The following GOLGA4 variants were observed in gnomAD, a reference collection of about 807,000 sequenced individuals.
GOLGA4 encodes the protein golgin A4.
Under a neutral mutation model 265.9 loss-of-function variants are expected in GOLGA4, and 169 were observed. The observed-to-expected ratio is 0.64, with a 90% CI of 0.56 to 0.72. GOLGA4 has a LOEUF of 0.72. Among genes scored for constraint, GOLGA4 ranks in the 30% least tolerant of loss-of-function variants. GOLGA4 has a pLI of 0.00. For synonymous variants in GOLGA4, 923 were observed against 855.8 expected (o/e 1.08, Z -1.37); for missense variants, 2,482 against 2,483.4 (o/e 1.00, Z 0.01).
At chr3:37,335,211 G>T (rs1395272916) in intron 17 of GOLGA4, 45 bp downstream of exon 17, 3 of 995,728 alleles carry the variant, frequency 3.0e-6, no homozygotes, top group East Asian at 5.0e-5. Flanking sequence ...TGAAAACATT[G>T]TCATTTCTGT....
intron 2 of GOLGA4, among the ~76,000 whole-genome samples, chr3:37,274,851 A>T (rs968259740): frequency 1.3e-5 from 2 of 152,136 alleles, no homozygotes; most frequent in Non-Finnish European, 2.9e-5. Context: ...GAGTCTAGAC[A>T]AGTTGATTTA....
chr3:37,296,300 C>G (rs960437656), intron 7 of GOLGA4, 81 bp downstream of exon 7: 2 of 1,349,202 alleles, frequency 1.5e-6, no homozygotes, highest in Non-Finnish European at 2.1e-6. Context: ...AATCCCAACA[C>G]TTTGGGAGGC....
intron 21 of GOLGA4, among the ~76,000 whole-genome samples, chr3:37,353,623 A>G (rs972118313): frequency 6.6e-6 from 1 of 152,166 alleles, no homozygotes; most frequent in Non-Finnish European, 1.5e-5. Flanking sequence ...CTGCAACCTC[A>G]AATTCCTGGA....
chr3:37,297,193 T>A (rs927305937), intron 7 of GOLGA4, among the ~76,000 whole-genome samples: 2 of 152,244 alleles, frequency 1.3e-5, no homozygotes, highest in Non-Finnish European at 2.9e-5. Context: ...AGGCTTGAGG[T>A]ATATACGCAA....
chr3:37,243,406 G>A lies in GOLGA4; in HGVS notation c.-145G>A, dbSNP rs1038198083. The A allele has an allele frequency of 1.4e-6, 1 of 702,968 alleles. No homozygotes were observed. The highest frequency in any genetic ancestry group is 2.8e-5 in the East Asian group (1 of 35,706). 43.5% of individuals were successfully genotyped at this position (702,968 alleles called of 1,614,324 possible). On this transcript the variant is annotated 5_prime_UTR_variant, in exon 1 of 24. Transcript: ENST00000361924. ...ACCCTCAGGACGAGTGTCCGGACTT[G>A]CCCACAGCCTCAAGGAGGAGACGGC...
At chr3:37,302,083 A>T (rs2096894478) in intron 9 of GOLGA4, 102 bp from the exon 10 acceptor site, 1 of 965,970 alleles carries the variant, frequency 1.0e-6, no homozygotes, top group South Asian at 1.4e-5. Context: ...GTCACCATGC[A>T]CCATGCCCGG....
rs759871014 is a variant in GOLGA4, at chr3:37,325,643, T to G, written c.3757T>G (p.Cys1253Gly). The change falls in exon 14 of 24, where the codon TGT becomes GGT. Residue 1253 changes from cysteine to glycine, a missense_variant. Around this residue, in one of 3 missense-constraint regions of GOLGA4, gnomAD observed 1,536 missense variants for 1,483.7 expected, o/e 1.04. Transcript: ENST00000361924. ...TGCCATTCTTTCTAGGATTTCTCAT[T>G]GTCAGCACCGTACAACTAAAGTTAA... ...TNAILSRISH[C>G]QHRTTKVKEA... 6.2e-7 allele frequency: 1 copy of G among 1,613,916 alleles called. No homozygotes were observed. Among genetic ancestry groups the G allele is most frequent in the Non-Finnish European group, 8.5e-7 (1 of 1,179,808 alleles).
Position 37,315,427 on chromosome 3 carries a change from G to A in GOLGA4, c.1242G>A (p.Glu414=), listed in dbSNP as rs561225825. Residue 414 remains glutamate, a synonymous_variant, in exon 11 of 24, where the codon GAG becomes GAA. Transcript: ENST00000361924. ...CTGTTGTTTTCATTATAGCTTTTGA[G>A]GAACTTGAAAAAGCTTTGAGTACAG... ...QKEKSERAAF[E]ELEKALSTAQ... 157 of 1,610,526 alleles carry A rather than the reference G, an allele frequency of 9.7e-5. 2 individuals carry two copies. The South Asian group carries it at 1.6e-3, about 17-fold the overall frequency.
intron 13 of GOLGA4, among the ~76,000 whole-genome samples, chr3:37,322,088 G>T (rs2096956582): frequency 6.6e-6 from 1 of 152,092 alleles, no homozygotes; most frequent in Non-Finnish European, 1.5e-5. Context: ...TCCTGGTTCT[G>T]CCTTTAGCTG....
At chr3:37,359,118 T>C (rs961387655) in intron 22 of GOLGA4, among the ~76,000 whole-genome samples, 1 of 152,196 alleles carries the variant, frequency 6.6e-6, no homozygotes, top group Non-Finnish European at 1.5e-5. Context: ...CAGCTTTTTT[T>C]CCCTCCTCTC....
chr3:37,324,306 A>G lies in GOLGA4; in HGVS notation c.2420A>G (p.Gln807Arg), dbSNP rs777865186. ...SAKLDVFQSY[Q>R]SATHEQTKAY... Reference sequence around the variant, plus strand: ...AAGCTGGACGTTTTTCAGTCTTACCAGAGTGCCACACATGAGCAGACAAAA... The same window carrying G: ...AAGCTGGACGTTTTTCAGTCTTACCGGAGTGCCACACATGAGCAGACAAAA... The change falls in exon 14 of 24, where the codon CAG becomes CGG. Residue 807 changes from glutamine (Q) to arginine (R), a missense_variant. Coordinates refer to ENST00000361924, the MANE Select transcript of GOLGA4 (RefSeq NM_002078.5). The G allele has an allele frequency of 5.0e-6, 8 of 1,614,252 alleles. No individual in the cohort carries two copies. The South Asian group carries it at 8.8e-5, about 18-fold the overall frequency.
At chr3:37,312,279 A>C (rs190543779) in intron 10 of GOLGA4, among the ~76,000 whole-genome samples, 45 of 152,324 alleles carry the variant, frequency 3.0e-4, no homozygotes, top group African/African-American at 1.0e-3. Context: ...GGCAGTAAGC[A>C]CTTTGTTTCA....
chr3:37,271,648 CT>C (rs1412255819), intron 2 of GOLGA4, among the ~76,000 whole-genome samples: 1 of 152,082 alleles, frequency 6.6e-6, no homozygotes, highest in Non-Finnish European at 1.5e-5. Context: ...GCAGCTCCCC[CT>C]GGCTTCCCCA....
chr3:37,299,446 A>T, intron 9 of GOLGA4, 75 bp downstream of exon 9: 1 of 825,448 alleles, frequency 1.2e-6, no homozygotes, highest in Non-Finnish European at 2.0e-6. Flanking sequence ...AGTTGGAAAC[A>T]TTCATGCTTG....
intron 23 of GOLGA4, among the ~76,000 whole-genome samples, chr3:37,364,669 C>G (rs1696608868): frequency 6.6e-6 from 1 of 151,648 alleles, no homozygotes; most frequent in African/African-American, 2.4e-5. Context: ...TCACTGCAGC[C>G]TTGACCTCCT....
At chr3:37,275,598 T>C (rs2096814742) in intron 2 of GOLGA4, 3 of 1,416,048 alleles carry the variant, frequency 2.1e-6, no homozygotes, top group African/African-American at 2.8e-5. Flanking sequence ...TGGGGGTTGC[T>C]GCGCGCCGGG....
intron 1 of GOLGA4, among the ~76,000 whole-genome samples, chr3:37,248,122 A>G (rs879322828): frequency 2.0e-5 from 3 of 152,180 alleles, no homozygotes; most frequent in Admixed American, 6.5e-5. Context: ...AGTTTTGCTT[A>G]TCACAATGAC....
intron 23 of GOLGA4, among the ~76,000 whole-genome samples, chr3:37,365,276 A>G (rs1696659366): frequency 6.6e-6 from 1 of 151,358 alleles, no homozygotes; most frequent in African/African-American, 2.4e-5. Flanking sequence ...TTTATTTTTT[A>G]TTGTTTTTTT....
At chr3:37,338,748 T>A (rs1421171811) in intron 19 of GOLGA4, among the ~76,000 whole-genome samples, 1 of 151,776 alleles carries the variant, frequency 6.6e-6, no homozygotes, top group African/African-American at 2.4e-5. Context: ...CCCCATTACC[T>A]CCTCCCCGTA....
Sources: gnomAD v4.1 joint callset for allele counts (sites outside exome capture counted in the v4.1 genomes callset) on GRCh38, gnomAD v4.1.1 for gene constraint, gnomAD v4.1.1 regional missense constraint, MANE v1.5 for transcripts, NCBI Gene and HGNC (gene_info 2026-07-23, HGNC 2026-07-21) for gene names.